The following PCDHGA12 variants were observed in gnomAD, a reference collection of about 807,000 sequenced individuals.
PCDHGA12 encodes the protein protocadherin gamma-A12.
A neutral mutation model predicts 61.1 loss-of-function variants in PCDHGA12; 43 were observed. The observed-to-expected ratio is 0.70, with a 90% CI of 0.55 to 0.91. The LOEUF is 0.91. PCDHGA12 is among the 40% of genes least tolerant of loss of function. The pLI, the probability that PCDHGA12 is intolerant of heterozygous loss-of-function variation, is 0.00. For missense variants in PCDHGA12, 1,236 were observed against 1,227.7 expected (o/e 1.01, Z -0.10); for synonymous variants, 520 against 542.9 (o/e 0.96, Z 0.59).
intron 1 of PCDHGA12, among the ~76,000 whole-genome samples, chr5:141,471,887 G>T (rs1215891997): frequency 6.6e-6 from 1 of 152,152 alleles, no homozygotes; most frequent in African/African-American, 2.4e-5. Context: ...CTGAAGCTAG[G>T]AAGATTGACT....
intron 1 of PCDHGA12, among the ~76,000 whole-genome samples, chr5:141,483,094 G>C (rs1304382782): frequency 6.6e-6 from 1 of 152,058 alleles, no homozygotes; most frequent in African/African-American, 2.4e-5. Context: ...CAAAAAAAAA[G>C]TGTGCGTGTA....
rs1199102847 is a variant in PCDHGA12, at chr5:141,477,997, A to G, written c.2425-16810A>G. 2 of 1,614,112 alleles carry G rather than the reference A, an allele frequency of 1.2e-6. No individual in the cohort carries two copies. Among genetic ancestry groups the G allele is most frequent in the Non-Finnish European group, 1.7e-6 (2 of 1,180,016 alleles). On this transcript the variant is annotated intron_variant, in intron 1 of 3. Coordinates refer to ENST00000252085, the MANE Select transcript of PCDHGA12 (RefSeq NM_003735.3). This position sits in a 1 kb window ranked among gnomAD's most constrained non-coding sequence, Gnocchi z 4.9. ...TTGCCATAGGGCTGCACACTGGTCAAATCAGTACTGCCCGTCCAGTCCAAG... is the reference window on the plus strand; with the variant it reads ...TTGCCATAGGGCTGCACACTGGTCAGATCAGTACTGCCCGTCCAGTCCAAG...
rs115808055 is a variant in PCDHGA12 at position 141,476,782 on chromosome 5, A to G, written c.2425-18025A>G. Reference sequence around the variant, plus strand: ...TGACGGCGTTGGACGGAGGGACCCCAGCTCTCTCCGCCAGCCTGCCTATTC... The same window carrying G: ...TGACGGCGTTGGACGGAGGGACCCCGGCTCTCTCCGCCAGCCTGCCTATTC... On this transcript the variant is annotated intron_variant, in intron 1 of 3. Transcript: ENST00000252085. This position sits in a 1 kb window ranked among gnomAD's most constrained non-coding sequence, Gnocchi z 7.6. 18,517 of 1,613,566 alleles carry G rather than the reference A, an allele frequency of 0.011. 139 individuals are homozygous for G. Among genetic ancestry groups the G allele is most frequent in the Non-Finnish European group, 0.014 (16,976 of 1,179,996 alleles).
In PCDHGA12 at chr5:141,490,795, C is replaced by A; in HGVS notation, c.2425-4012C>A. The A allele has an allele frequency of 1.3e-5, 21 of 1,614,036 alleles. No homozygotes were observed. Among genetic ancestry groups the A allele is most frequent in the Non-Finnish European group, 1.8e-5 (21 of 1,179,922 alleles). On this transcript the variant is annotated intron_variant, in intron 1 of 3. Coordinates refer to ENST00000252085, the MANE Select transcript of PCDHGA12 (RefSeq NM_003735.3). This position sits in a 1 kb window ranked among gnomAD's most constrained non-coding sequence, Gnocchi z 5.4. ...CCCAGAGGATGGACGGATCTTTGCC[C>A]AGCGTACCTTTGACTATGAATTGCT...
intron 2 of PCDHGA12, among the ~76,000 whole-genome samples, chr5:141,502,056 C>T (rs1163976282): frequency 1.3e-5 from 2 of 152,116 alleles, no homozygotes; most frequent in Non-Finnish European, 2.9e-5. Flanking sequence ...CTACTTTATT[C>T]CCATTAGCCC....
intron 1 of PCDHGA12, among the ~76,000 whole-genome samples, chr5:141,492,968 C>T: frequency 6.6e-6 from 1 of 152,240 alleles, no homozygotes; most frequent in East Asian, 1.9e-4. Flanking sequence ...GACACTCTAA[C>T]AAGTCCTGTC....
chr5:141,495,010 G>A (rs1327870362), intron 2 of PCDHGA12, 145 bp downstream of exon 2: 6 of 1,516,970 alleles, frequency 4.0e-6, no homozygotes, highest in Non-Finnish European at 5.3e-6. Context: ...GTGTGCGGGG[G>A]GCTGGCACAC....
rs752341952 is a variant in PCDHGA12 at position 141,431,380 on chromosome 5, T to C, written c.621T>C (p.Ala207=). 10 of 1,613,902 alleles carry C rather than the reference T, an allele frequency of 6.2e-6. No homozygotes were observed. The highest frequency in any genetic ancestry group is 8.5e-6 in the Non-Finnish European group (10 of 1,180,024). ...KRALDREEKA[A]HHLVLTASDG... is the part of the protein sequence containing the mutation. ...CCCTGGACCGCGAAGAAAAGGCTGCTCACCACCTGGTCCTTACGGCCTCCG... is the reference window on the plus strand; with the variant it reads ...CCCTGGACCGCGAAGAAAAGGCTGCCCACCACCTGGTCCTTACGGCCTCCG... Residue 207 remains alanine, a synonymous_variant, in exon 1 of 4, where the codon GCT becomes GCC. Transcript: ENST00000252085. The surrounding 1 kb of genome is among the most constrained non-coding windows in gnomAD (Gnocchi z 4.8).
rs1051300319 is a variant in PCDHGA12 at position 141,491,957 on chromosome 5, A to T, written c.2425-2850A>T. ...GACCGACCCCCACCCCTACACTCAA[A>T]AAAGGCCGGGGCCTCCTTCGAGCTT... is the stretch of plus-strand genomic sequence containing the variant. On this transcript the variant is annotated intron_variant, in intron 1 of 3. Coordinates refer to ENST00000252085, the MANE Select transcript of PCDHGA12 (RefSeq NM_003735.3). The surrounding 1 kb of genome is among the most constrained non-coding windows in gnomAD (Gnocchi z 6.9). 3.6e-5 allele frequency: 37 copies of T among 1,020,096 alleles called. No individual in the cohort carries two copies. The highest frequency in any genetic ancestry group is 5.0e-5 in the Non-Finnish European group (37 of 736,248). The allele number at this position is 1,020,096 out of a possible 1,614,324, so 63.2% of individuals were successfully genotyped here.
At position 141,432,579 on chromosome 5, in the gene PCDHGA12, G is replaced by A. The variant is rs769224543; in HGVS notation, c.1820G>A (p.Arg607His). 6.2e-7 allele frequency: 1 copy of A among 1,613,860 alleles called. No homozygotes were observed. Among genetic ancestry groups the A allele is most frequent in the Non-Finnish European group, 8.5e-7 (1 of 1,179,984 alleles). Residue 607 changes from arginine to histidine, a missense_variant, in exon 1 of 4, where the codon CGT becomes CAT. Transcript: ENST00000252085. The surrounding 1 kb of genome is among the most constrained non-coding windows in gnomAD (Gnocchi z 6.0). Reference protein sequence around the residue: ...DSGQNAWLSYRLLKASEPGLF... With the variant: ...DSGQNAWLSYHLLKASEPGLF... ...GGCCAGAACGCCTGGCTGTCCTACC[G>A]TCTGCTCAAGGCCAGCGAGCCGGGA...
chr5:141,476,318 G>T lies in PCDHGA12; in HGVS notation c.2425-18489G>T. 3 of 1,614,202 alleles carry T rather than the reference G, an allele frequency of 1.9e-6. No homozygotes were observed. The highest frequency in any genetic ancestry group is 2.5e-6 in the Non-Finnish European group (3 of 1,180,052). The stretch of plus-strand genomic sequence containing the variant: ...TAGCCTCTCAGCCCGCAGGTTCCGG[G>T]TGGTGTCTGGAGCTAGCCGAAGATT... On this transcript the variant is annotated intron_variant, in intron 1 of 3. Transcript: ENST00000252085. This position sits in a 1 kb window ranked among gnomAD's most constrained non-coding sequence, Gnocchi z 7.6.
chr5:141,458,512 T>TG (rs2098947554), intron 1 of PCDHGA12, among the ~76,000 whole-genome samples: 2 of 150,084 alleles, frequency 1.3e-5, no homozygotes, highest in African/African-American at 5.0e-5. Context: ...TTTGACACTT[T>TG]GTTTTTTTTT....
intron 1 of PCDHGA12, chr5:141,478,544 C>G (rs1371505487): frequency 6.2e-7 from 1 of 1,605,660 alleles, no homozygotes; most frequent in Admixed American, 1.7e-5. Flanking sequence ...CCCTCCCGGA[C>G]AGGTAAGGTT....
At chr5:141,460,983 G>GTGTGTA (rs1554142949) in intron 1 of PCDHGA12, among the ~76,000 whole-genome samples, 82 of 137,842 alleles carry the variant, frequency 5.9e-4, no homozygotes, top group African/African-American at 1.9e-3. Flanking sequence ...GTGTGTGTGT[G>GTGTGTA]TATATATATA....
At position 141,433,290 on chromosome 5, in the gene PCDHGA12, C is replaced by T. The variant is rs186668064; in HGVS notation, c.2424+107C>T. ...CTCACTGCAGCCTCAAACTCCTAGG[C>T]TCAAGCAATTATCCCACCTTTGCCT... On this transcript the variant is annotated intron_variant, in intron 1 of 3. Transcript: ENST00000252085. The T allele has an allele frequency of 1.6e-3, 1,738 of 1,107,746 alleles. 60 individuals carry two copies. In the Admixed American group the frequency reaches 0.041, roughly 26 times the overall value. 68.6% of individuals were successfully genotyped at this position (1,107,746 alleles called of 1,614,324 possible). A position where few individuals can be genotyped will look rare whatever the true frequency, so the allele number is the denominator to read the frequency against.
chr5:141,441,057 A>T (rs2098222263), intron 1 of PCDHGA12: 2 of 152,152 alleles, frequency 1.3e-5, no homozygotes, highest in South Asian at 4.1e-4. Flanking sequence ...ACTTTTAAAG[A>T]TTTTTAATTT....
chr5:141,456,299 A>G (rs11167748), intron 1 of PCDHGA12, among the ~76,000 whole-genome samples: 25,602 of 152,048 alleles, frequency 0.17, 2,205 homozygotes, highest in South Asian at 0.22. Context: ...TCTAATGGAG[A>G]ACAGCAGCTA....
chr5:141,447,181 G>C (rs442221), intron 1 of PCDHGA12, among the ~76,000 whole-genome samples: 152,246 of 152,338 alleles, frequency 1, 76,078 homozygotes, highest in Middle Eastern at 1. Context: ...CTCTTGTCGC[G>C]CAGGCTGGAG....
At chr5:141,455,789 G>A (rs966897617) in intron 1 of PCDHGA12, among the ~76,000 whole-genome samples, 56 of 152,058 alleles carry the variant, frequency 3.7e-4, no homozygotes, top group African/African-American at 1.3e-3. Context: ...AACTTTTCCG[G>A]AGATGCTTTA....
Sources: allele counts gnomAD v4.1 joint callset (sites outside exome capture counted in the v4.1 genomes callset), GRCh38; gene constraint gnomAD v4.1.1; non-coding constraint Gnocchi (gnomAD v3.1); transcripts MANE v1.5; gene names NCBI Gene and HGNC (gene_info 2026-07-23, HGNC 2026-07-21).